The following CDH10 variants were observed in gnomAD, a reference collection of about 807,000 sequenced individuals.
CDH10 encodes the protein cadherin 10, also known as cadherin-10.
CDH10 carries 30 observed loss-of-function variants against 73.1 expected under a neutral mutation model. The observed-to-expected ratio is 0.41, with a 90% CI of 0.31 to 0.56. CDH10 has a LOEUF of 0.56. Among genes scored for constraint, CDH10 ranks in the 20% least tolerant of loss-of-function variants. The pLI is 0.27. For missense variants in CDH10, 815 were observed against 973.7 expected, an observed-to-expected ratio of 0.84 and a Z score of 2.17; for synonymous variants, 345 against 348.2, an observed-to-expected ratio of 0.99 and a Z score of 0.10.
At chr5:24,571,087 T>C (rs1745365527) in intron 2 of CDH10, among the ~76,000 whole-genome samples, 1 of 152,164 alleles carries the variant, frequency 6.6e-6, no homozygotes, top group African/African-American at 2.4e-5. Context: ...TGGAATTTTC[T>C]GTCAGTGAAG....
intron 2 of CDH10, among the ~76,000 whole-genome samples, chr5:24,551,783 AT>A (rs1322479027): frequency 6.6e-6 from 1 of 152,138 alleles, no homozygotes; most frequent in Non-Finnish European, 1.5e-5. Flanking sequence ...AGAACCTTCT[AT>A]CTGTTCCATT....
intron 1 of CDH10, among the ~76,000 whole-genome samples, chr5:24,604,086 C>T (rs900524354): frequency 6.6e-6 from 1 of 152,174 alleles, no homozygotes; most frequent in African/African-American, 2.4e-5. Context: ...ATGTGGCTCA[C>T]TCCTGTATTC....
chr5:24,616,464 T>C (rs760655568), intron 1 of CDH10, among the ~76,000 whole-genome samples: 27 of 152,048 alleles, frequency 1.8e-4, no homozygotes, highest in Non-Finnish European at 3.2e-4. Flanking sequence ...GCATAAAATA[T>C]ATAGAAAAAT....
At chr5:24,632,585 A>G (rs1359804084) in intron 1 of CDH10, among the ~76,000 whole-genome samples, 2 of 152,026 alleles carry the variant, frequency 1.3e-5, no homozygotes, top group Non-Finnish European at 2.9e-5. Flanking sequence ...GAGAAATGGC[A>G]TGCTCTGACC....
At chr5:24,542,495 T>G (rs1301392467) in intron 2 of CDH10, among the ~76,000 whole-genome samples, 1 of 152,138 alleles carries the variant, frequency 6.6e-6, no homozygotes, top group Non-Finnish European at 1.5e-5. Flanking sequence ...CTGTACAGGT[T>G]TGTAACCTAG....
At chr5:24,506,608 T>C (rs1254707076) in intron 7 of CDH10, among the ~76,000 whole-genome samples, 1 of 152,190 alleles carries the variant, frequency 6.6e-6, no homozygotes, top group East Asian at 1.9e-4. Flanking sequence ...CCTCAAAGTC[T>C]ACTAGTCACT....
Position 24,511,545 on chromosome 5 carries a change from C to CAGAGACAG in CDH10, c.815-32_815-31insCTGTCTCT, listed in dbSNP as rs374439665. 43 of 576,472 alleles carry CAGAGACAG rather than the reference C, an allele frequency of 7.5e-5. 1 individual carries two copies. The African/African-American group carries it at 8.0e-4, about 11-fold the overall frequency. 35.7% of individuals were successfully genotyped at this position (576,472 alleles called of 1,614,324 possible). ...AAGTATAAAGAAAAGAAGAGAGAGA[C>CAGAGACAG]AGAGAGAGAGAGAGAGAGAGAGAGA... On this transcript the variant is annotated intron_variant, in intron 5 of 11. Transcript: ENST00000264463.
At chr5:24,567,975 C>A (rs543544524) in intron 2 of CDH10, among the ~76,000 whole-genome samples, 6 of 151,870 alleles carry the variant, frequency 4.0e-5, no homozygotes, top group Admixed American at 2.0e-4. Context: ...CCAAAAAATT[C>A]AATTTTTAAT....
At chr5:24,505,587 T>C (rs1284131219) in intron 7 of CDH10, among the ~76,000 whole-genome samples, 5 of 152,220 alleles carry the variant, frequency 3.3e-5, no homozygotes, top group Non-Finnish European at 7.3e-5. Flanking sequence ...TTTATTCAGT[T>C]ATTGGAAGTT....
intron 1 of CDH10, among the ~76,000 whole-genome samples, chr5:24,634,493 T>G (rs1300152906): frequency 6.6e-6 from 1 of 151,756 alleles, no homozygotes; most frequent in African/African-American, 2.4e-5. Flanking sequence ...TTAAATTATT[T>G]TGCCAAATAT....
Position 24,561,463 on chromosome 5 carries a change from A to G in CDH10, c.232-23789T>C, listed in dbSNP as rs961725864. On this transcript the variant is annotated intron_variant, in intron 2 of 11. Coordinates refer to ENST00000264463, the MANE Select transcript of CDH10 (RefSeq NM_006727.5). The stretch of plus-strand genomic sequence containing the variant: ...CAATGTTACAGTAAATTTACTCTGA[A>G]CTTAATTTAAGGGTAATTTGCCTGG... 3.3e-5 allele frequency among the ~76,000 whole-genome samples: 5 copies of G among 152,112 alleles called. 1 individual carries two copies. The highest frequency in any genetic ancestry group is 3.3e-4 in the Admixed American group (5 of 15,258).
intron 5 of CDH10, among the ~76,000 whole-genome samples, chr5:24,533,971 A>C (rs561601315): frequency 6.6e-6 from 1 of 152,202 alleles, no homozygotes; most frequent in South Asian, 2.1e-4. Context: ...ATTCTATATG[A>C]ATTTTGAAAT....
intron 8 of CDH10, among the ~76,000 whole-genome samples, chr5:24,502,004 C>T (rs1742515842): frequency 6.6e-6 from 1 of 152,036 alleles, no homozygotes; most frequent in East Asian, 2.0e-4. Flanking sequence ...CTGCAAGCTC[C>T]GCCTCCCGGG....
At chr5:24,622,527 G>T (rs905969567) in intron 1 of CDH10, among the ~76,000 whole-genome samples, 1 of 152,150 alleles carries the variant, frequency 6.6e-6, no homozygotes, top group Non-Finnish European at 1.5e-5. Context: ...GATCACTCTA[G>T]TGTTCTGATT....
intron 2 of CDH10, among the ~76,000 whole-genome samples, chr5:24,567,939 C>A (rs1745221760): frequency 6.6e-6 from 1 of 152,028 alleles, no homozygotes. Flanking sequence ...ATGTACACTT[C>A]AATGATGTCT....
rs765253829 is a variant in CDH10, at chr5:24,509,719, G to C, written c.1103C>G (p.Thr368Ser). ...TTCTATAGAGATTTTCACTATGGTA[G>C]TATCTTTAAATGGTCCTAGGTAATA... Reference protein sequence around the residue: ...RFYYLGPFKDTTIVKISIEDV... With the variant: ...RFYYLGPFKDSTIVKISIEDV... Residue 368 changes from threonine (T) to serine (S), a missense_variant, in exon 7 of 12, where the codon ACT becomes AGT. By Grantham distance (58) the Thr-to-Ser change is moderately conservative (BLOSUM62 1). This residue lies in a region of CDH10 where 516 missense variants were observed against 636.6 expected (regional missense o/e 0.81). Coordinates refer to ENST00000264463, the MANE Select transcript of CDH10 (RefSeq NM_006727.5). The C allele has an allele frequency of 1.2e-6, 2 of 1,613,230 alleles. No homozygotes were observed. The highest frequency in any genetic ancestry group is 1.7e-6 in the Non-Finnish European group (2 of 1,179,250).
In CDH10 at chr5:24,491,566, G is replaced by T. The variant is rs754726817; in HGVS notation, c.1876+10C>A. Reference sequence around the variant, plus strand: ...TAGAAAATGCTCCCATTGTTTTTAAGGTTTCTTACCCAGTAGAATGATGAT... The same window carrying T: ...TAGAAAATGCTCCCATTGTTTTTAATGTTTCTTACCCAGTAGAATGATGAT... On this transcript the variant is annotated intron_variant, in intron 11 of 11. Transcript: ENST00000264463. The T allele has an allele frequency of 6.3e-7, 1 of 1,596,598 alleles. No individual in the cohort carries two copies. Among genetic ancestry groups the T allele is most frequent in the Non-Finnish European group, 8.6e-7 (1 of 1,168,842 alleles).
chr5:24,543,822 T>C (rs949963587), intron 2 of CDH10, among the ~76,000 whole-genome samples: 5 of 152,126 alleles, frequency 3.3e-5, no homozygotes, highest in Non-Finnish European at 7.4e-5. Flanking sequence ...TTGTTGGGGC[T>C]GAAGAAAAAT....
intron 2 of CDH10, among the ~76,000 whole-genome samples, chr5:24,541,639 T>C (rs1744162753): frequency 1.3e-5 from 2 of 152,130 alleles, no homozygotes; most frequent in South Asian, 4.1e-4. Context: ...TTTTATTATG[T>C]GAGACATTAA....
Sources: allele counts gnomAD v4.1 joint callset (sites outside exome capture counted in the v4.1 genomes callset), GRCh38; gene constraint gnomAD v4.1.1; regional missense constraint gnomAD v4.1.1; transcripts MANE v1.5; gene names NCBI Gene and HGNC (gene_info 2026-07-23, HGNC 2026-07-21).